Variants in CDH18 observed in about 807,000 individuals in gnomAD.
CDH18 encodes cadherin 18, also known as cadherin-18.
Under a neutral mutation model 67.9 loss-of-function variants are expected in CDH18, and 31 were observed. The observed-to-expected ratio is 0.46, with a 90% confidence interval of 0.34 to 0.62. The LOEUF (loss-of-function observed/expected upper bound fraction) is 0.62. Among genes scored for constraint, CDH18 ranks in the 20% least tolerant of loss-of-function variants. CDH18 has a pLI of 0.01. For missense variants in CDH18, 890 were observed against 975.5 expected (o/e 0.91, Z 1.17); for synonymous variants, 362 against 347.2 (o/e 1.04, Z -0.48).
At chr5:19,699,991 T>C (rs2150470666) in intron 5 of CDH18, among the ~76,000 whole-genome samples, 1 of 152,208 alleles carries the variant, frequency 6.6e-6, no homozygotes, top group Non-Finnish European at 1.5e-5. Context: ...GTATACAAAC[T>C]TAAGAATACA....
chr5:20,242,605 A>ATATATATATATAT (rs1422057410), intron 2 of CDH18, among the ~76,000 whole-genome samples: 2 of 88,118 alleles, frequency 2.3e-5, no homozygotes, highest in African/African-American at 1.3e-4. Flanking sequence ...GGAAAAAAAA[A>ATATATATATATAT]AAAAAAATAT....
intron 4 of CDH18, among the ~76,000 whole-genome samples, chr5:19,725,071 C>T (rs926500896): frequency 5.9e-5 from 9 of 152,016 alleles, no homozygotes; most frequent in South Asian, 2.1e-4. Context: ...GGACTACAGG[C>T]GCCCGCCACC....
chr5:20,317,627 A>C lies in CDH18; in HGVS notation c.-579-62122T>G, dbSNP rs74353051. 7.5e-3 allele frequency among the ~76,000 whole-genome samples: 1,142 copies of C among 152,306 alleles called. 13 individuals are homozygous for C. The highest frequency in any genetic ancestry group is 0.026 in the African/African-American group (1,078 of 41,574). On this transcript the variant is annotated intron_variant, in intron 1 of 14. Transcript: ENST00000507958. Reference sequence around the variant, plus strand: ...GAATAATAAGCCTAATATTAGTTGAAATTAGCTTTGACTAATGCTTACAAA... The same window carrying C: ...GAATAATAAGCCTAATATTAGTTGACATTAGCTTTGACTAATGCTTACAAA...
rs535268096 is a variant in CDH18 at position 19,486,986 on chromosome 5, A to G, written c.1631-3434T>C. On this transcript the variant is annotated intron_variant, in intron 11 of 12. Transcript: ENST00000382275. Reference sequence around the variant, plus strand: ...GCTGGGTTCTTAATTCTAACTCTCTATAGCTTGGATGAAGACAGCAGATTA... The same window carrying G: ...GCTGGGTTCTTAATTCTAACTCTCTGTAGCTTGGATGAAGACAGCAGATTA... Among the ~76,000 whole-genome samples, 9 of 152,286 alleles carry G rather than the reference A, an allele frequency of 5.9e-5. No individual in the cohort carries two copies. The South Asian group carries it at 1.9e-3, about 32-fold the overall frequency.
At chr5:19,768,341 T>C (rs1773342141) in intron 3 of CDH18, among the ~76,000 whole-genome samples, 1 of 152,134 alleles carries the variant, frequency 6.6e-6, no homozygotes, top group Non-Finnish European at 1.5e-5. Flanking sequence ...ATTAGAGATT[T>C]ATAAGGAAAT....
At chr5:20,311,323 T>A (rs952580984) in intron 1 of CDH18, among the ~76,000 whole-genome samples, 2 of 152,066 alleles carry the variant, frequency 1.3e-5, no homozygotes, top group Non-Finnish European at 2.9e-5. Context: ...TATAAATCAT[T>A]CTACTATAAA....
intron 2 of CDH18, among the ~76,000 whole-genome samples, chr5:20,050,138 C>T (rs1741283333): frequency 6.6e-6 from 1 of 151,778 alleles, no homozygotes; most frequent in Non-Finnish European, 1.5e-5. Context: ...CTGACTGCCA[C>T]AGGATAGATC....
chr5:20,343,306 A>T (rs1364812621), intron 1 of CDH18, among the ~76,000 whole-genome samples: 4 of 152,160 alleles, frequency 2.6e-5, no homozygotes, highest in Non-Finnish European at 4.4e-5. Context: ...TACAAACAGA[A>T]AACTTATAGG....
At chr5:19,655,234 A>T (rs1207059437) in intron 5 of CDH18, among the ~76,000 whole-genome samples, 3 of 152,148 alleles carry the variant, frequency 2.0e-5, no homozygotes. Flanking sequence ...GTGTCTATGT[A>T]TATGTACATG....
chr5:20,349,654 A>G (rs1741000490), intron 1 of CDH18, among the ~76,000 whole-genome samples: 1 of 152,148 alleles, frequency 6.6e-6, no homozygotes, highest in Admixed American at 6.6e-5. Flanking sequence ...AGATTACAAG[A>G]TATAATGTTT....
intron 9 of CDH18, among the ~76,000 whole-genome samples, chr5:19,533,424 CTG>C (rs1272068887): frequency 6.6e-6 from 1 of 152,066 alleles, no homozygotes; most frequent in African/African-American, 2.4e-5. Flanking sequence ...AGAGTACAAA[CTG>C]TGAACAGAGT....
chr5:20,395,988 G>A (rs937273319), intron 1 of CDH18, among the ~76,000 whole-genome samples: 12 of 152,124 alleles, frequency 7.9e-5, no homozygotes, highest in African/African-American at 2.2e-4. Context: ...TCATCTTGGC[G>A]TTCACCTGTA....
intron 2 of CDH18, among the ~76,000 whole-genome samples, chr5:20,193,589 A>G (rs969506830): frequency 2.6e-5 from 4 of 152,090 alleles, no homozygotes; most frequent in Admixed American, 1.3e-4. Flanking sequence ...CTACTCCCCA[A>G]TTCATTTTAT....
chr5:20,140,735 T>C (rs575489907), intron 2 of CDH18, among the ~76,000 whole-genome samples: 1 of 152,116 alleles, frequency 6.6e-6, no homozygotes, highest in South Asian at 2.1e-4. Context: ...ACTTTTTTAT[T>C]GTAAGGATGG....
intron 4 of CDH18, among the ~76,000 whole-genome samples, chr5:19,740,747 G>A (rs537716612): frequency 6.6e-6 from 1 of 152,072 alleles, no homozygotes; most frequent in South Asian, 2.1e-4. Flanking sequence ...TCATCTCATG[G>A]TCATTTTCAT....
At chr5:20,030,575 A>C (rs549109991) in intron 2 of CDH18, among the ~76,000 whole-genome samples, 41 of 152,316 alleles carry the variant, frequency 2.7e-4, no homozygotes, top group Non-Finnish European at 5.4e-4. Flanking sequence ...ATGCTGGATT[A>C]AAAAAGCAGA....
chr5:20,276,981 A>T (rs1745856959), intron 1 of CDH18, among the ~76,000 whole-genome samples: 1 of 152,124 alleles, frequency 6.6e-6, no homozygotes, highest in Non-Finnish European at 1.5e-5. Flanking sequence ...TGTGGCATGC[A>T]TGCCAGCTCA....
At chr5:19,748,590 T>A (rs904106980) in intron 3 of CDH18, among the ~76,000 whole-genome samples, 4 of 152,168 alleles carry the variant, frequency 2.6e-5, no homozygotes, top group African/African-American at 9.7e-5. Context: ...TTTGGGCACA[T>A]AACCTCAATG....
At chr5:19,720,190 T>C (rs904080143) in intron 5 of CDH18, among the ~76,000 whole-genome samples, 1 of 152,172 alleles carries the variant, frequency 6.6e-6, no homozygotes, top group Non-Finnish European at 1.5e-5. Flanking sequence ...AATAAATCTA[T>C]AATCTGTAGA....
Sources: gnomAD v4.1 joint callset for allele counts (sites outside exome capture counted in the v4.1 genomes callset) on GRCh38, gnomAD v4.1.1 for gene constraint, MANE v1.5 for transcripts, NCBI Gene and HGNC (gene_info 2026-07-23, HGNC 2026-07-21) for gene names.